The following TRIO variants were observed in gnomAD, a reference collection of about 807,000 sequenced individuals.
TRIO encodes trio Rho guanine nucleotide exchange factor.
In TRIO, 58 loss-of-function variants were observed where a neutral mutation model predicts 351.9. That is an observed-to-expected ratio of 0.16 (90% confidence interval 0.13 to 0.21). TRIO has a LOEUF of 0.21. Ranked by LOEUF, TRIO falls within the 10% of genes least tolerant of loss-of-function variation. TRIO has a pLI of 1.00. For missense variants in TRIO, 3,201 were observed against 4,027.8 expected, an observed-to-expected ratio of 0.79 and a Z score of 5.56; for synonymous variants, 1,758 against 1,595.7, an observed-to-expected ratio of 1.10 and a Z score of -2.42.
Position 14,291,157 on chromosome 5 carries a change from A to T in TRIO, c.982A>T (p.Met328Leu). 1 of 1,614,182 alleles carries T rather than the reference A, an allele frequency of 6.2e-7. No individual in the cohort carries two copies. The change falls in exon 5 of 57, where the codon ATG becomes TTG. Residue 328 changes from methionine (M) to leucine (L), a missense_variant. Around this residue, in one of 19 missense-constraint regions of TRIO, gnomAD observed 349 missense variants for 449.3 expected, o/e 0.78. Coordinates refer to ENST00000344204, the MANE Select transcript of TRIO (RefSeq NM_007118.4). Reference sequence around the variant, plus strand: ...CTCGACACGGCAGCATCTGCACCAGATGTGGCATGTGAGGAAGCTGAAGCT... The same window carrying T: ...CTCGACACGGCAGCATCTGCACCAGTTGTGGCATGTGAGGAAGCTGAAGCT... ...LHSTRQHLHQ[M>L]WHVRKLKLDQ...
chr5:14,444,024 C>G (rs916972937), intron 34 of TRIO, among the ~76,000 whole-genome samples: 1 of 151,954 alleles, frequency 6.6e-6, no homozygotes, highest in East Asian at 1.9e-4. Context: ...TAACACTGAA[C>G]AGACTCTTAC....
At chr5:14,455,596 G>T (rs139973754) in intron 34 of TRIO, among the ~76,000 whole-genome samples, 1 of 151,930 alleles carries the variant, frequency 6.6e-6, no homozygotes, top group African/African-American at 2.4e-5. Context: ...GTGCTGATTG[G>T]TGCATTTACA....
At chr5:14,207,711 C>CAGAGAG (rs372248634) in intron 1 of TRIO, among the ~76,000 whole-genome samples, 3 of 149,058 alleles carry the variant, frequency 2.0e-5, no homozygotes, top group African/African-American at 7.4e-5. Flanking sequence ...GACCTTGTCT[C>CAGAGAG]AGAGAGAGAG....
Position 14,416,132 on chromosome 5 carries a change from A to G in TRIO, c.4960-3646A>G, listed in dbSNP as rs1379394264. Among the ~76,000 whole-genome samples the G allele has an allele frequency of 6.0e-5, 9 of 150,310 alleles. No individual in the cohort carries two copies. The East Asian group carries it at 7.8e-4, about 13-fold the overall frequency. ...GATAAATAAAATGGTAACTCTTTCAACTGAGGGTAGAAATTCTCTGAAAGC... is the reference window on the plus strand; with the variant it reads ...GATAAATAAAATGGTAACTCTTTCAGCTGAGGGTAGAAATTCTCTGAAAGC... On this transcript the variant is annotated intron_variant, in intron 33 of 56. Coordinates refer to ENST00000344204, the MANE Select transcript of TRIO (RefSeq NM_007118.4).
chr5:14,377,218 C>G (rs1430987213), intron 19 of TRIO, among the ~76,000 whole-genome samples: 2 of 150,568 alleles, frequency 1.3e-5, no homozygotes, highest in Non-Finnish European at 3.0e-5. Flanking sequence ...ATGTCCTTTC[C>G]TCTCCTAAGG....
chr5:14,488,662 G>A (rs953222885), intron 48 of TRIO: 15 of 525,342 alleles, frequency 2.9e-5, no homozygotes, highest in African/African-American at 2.3e-4. Context: ...TTTGCTCATC[G>A]CTTGGTTTTG....
intron 20 of TRIO, among the ~76,000 whole-genome samples, chr5:14,380,664 T>C (rs247136): frequency 0.14 from 20,926 of 152,200 alleles, 1,584 homozygotes; most frequent in Middle Eastern, 0.24. Context: ...AGTATGGCAG[T>C]TCCTCAAAGA....
intron 1 of TRIO, among the ~76,000 whole-genome samples, chr5:14,201,259 T>C (rs1319660099): frequency 6.6e-6 from 1 of 152,092 alleles, no homozygotes; most frequent in African/African-American, 2.4e-5. Context: ...AAACTCCATC[T>C]CAAAAAATAA....
At chr5:14,296,924 TA>T in intron 6 of TRIO, 147 bp from the exon 7 acceptor site, 1 of 518,922 alleles carries the variant, frequency 1.9e-6, no homozygotes, top group African/African-American at 1.9e-5. Flanking sequence ...CAAATATGTA[TA>T]ATATTATATA....
intron 13 of TRIO, among the ~76,000 whole-genome samples, chr5:14,363,004 T>C (rs900601920): frequency 1.4e-5 from 2 of 147,798 alleles, no homozygotes; most frequent in African/African-American, 4.9e-5. Flanking sequence ...CTATCTACTT[T>C]TTTTTTTTTT....
chr5:14,207,523 TACACAC>T (rs113435385), intron 1 of TRIO, among the ~76,000 whole-genome samples: 33 of 53,188 alleles, frequency 6.2e-4, no homozygotes, highest in East Asian at 1.2e-3. Context: ...ACTGTCTCTC[TACACAC>T]ACACACACAC....
rs148165171 is a variant in TRIO, at chr5:14,504,269, G to A, written c.8412-124G>A. On this transcript the variant is annotated intron_variant, in intron 54 of 56. Coordinates refer to ENST00000344204, the MANE Select transcript of TRIO (RefSeq NM_007118.4). The stretch of plus-strand genomic sequence containing the variant: ...ACCACAGCCCCTCCGTGGAGTGGCC[G>A]GGAGAGCAGGGCCTCTGGACAGGGC... 1.1e-3 allele frequency: 1,126 copies of A among 1,048,168 alleles called. 6 individuals carry two copies. The highest frequency in any genetic ancestry group is 4.7e-3 in the Middle Eastern group (19 of 4,028). The allele number at this position is 1,048,168 out of a possible 1,614,324, so 64.9% of individuals were successfully genotyped here.
At chr5:14,309,271 A>G (rs571771628) in intron 8 of TRIO, among the ~76,000 whole-genome samples, 3 of 152,028 alleles carry the variant, frequency 2.0e-5, no homozygotes, top group East Asian at 1.9e-4. Flanking sequence ...CCTGGCTTCT[A>G]TTTTCCTTAA....
chr5:14,423,451 T>G (rs1487754868), intron 34 of TRIO, among the ~76,000 whole-genome samples: 2 of 152,256 alleles, frequency 1.3e-5, no homozygotes, highest in Non-Finnish European at 2.9e-5. Context: ...TATGTATTTA[T>G]TGACAGTCTT....
chr5:14,242,485 A>G lies in TRIO; in HGVS notation c.158-28340A>G, dbSNP rs116715556. The stretch of plus-strand genomic sequence containing the variant: ...CTTTGGGGATCCTCACAAGAAGAAA[A>G]TAGTGTTGCCTACCAGGCATAAAGG... On this transcript the variant is annotated intron_variant, in intron 1 of 56. Transcript: ENST00000344204. 3.1e-3 allele frequency among the ~76,000 whole-genome samples: 477 copies of G among 152,340 alleles called. 2 individuals are homozygous for G. Among genetic ancestry groups the G allele is most frequent in the African/African-American group, 0.011 (464 of 41,576 alleles).
chr5:14,143,630 G>C lies in TRIO; in HGVS notation c.-96G>C. On this transcript the variant is annotated 5_prime_UTR_variant, in exon 1 of 57. Coordinates refer to ENST00000344204, the MANE Select transcript of TRIO (RefSeq NM_007118.4). ...CCGCGCGCCGGGCGCGGGCAGCTGG[G>C]TGCTCGGCGCCGCCAGGCCCGGCGC... 1 of 472,100 alleles carries C rather than the reference G, an allele frequency of 2.1e-6. No homozygotes were observed. Among genetic ancestry groups the C allele is most frequent in the Non-Finnish European group, 2.7e-6 (1 of 363,990 alleles). The allele number at this position is 472,100 out of a possible 1,614,324, so 29.2% of individuals were successfully genotyped here. A position where few individuals can be genotyped will look rare whatever the true frequency, so the allele number is the denominator to read the frequency against.
intron 1 of TRIO, among the ~76,000 whole-genome samples, chr5:14,242,797 G>A (rs16903326): frequency 0.14 from 21,258 of 152,124 alleles, 2,049 homozygotes; most frequent in East Asian, 0.4. Flanking sequence ...CAGGCTATTC[G>A]GGCTTTTTGA....
chr5:14,373,649 A>G (rs1325905782), intron 18 of TRIO, among the ~76,000 whole-genome samples: 1 of 152,212 alleles, frequency 6.6e-6, no homozygotes, highest in Non-Finnish European at 1.5e-5. Flanking sequence ...TACCATAATA[A>G]CATCACATAA....
intron 8 of TRIO, among the ~76,000 whole-genome samples, chr5:14,311,796 G>A (rs1478024144): frequency 5.3e-5 from 8 of 152,184 alleles, no homozygotes; most frequent in Admixed American, 5.2e-4. Flanking sequence ...GACGGTGTTG[G>A]CTTTGAGTCG....
Sources: allele counts gnomAD v4.1 joint callset (sites outside exome capture counted in the v4.1 genomes callset), GRCh38; gene constraint gnomAD v4.1.1; regional missense constraint gnomAD v4.1.1; transcripts MANE v1.5; gene names NCBI Gene and HGNC (gene_info 2026-07-23, HGNC 2026-07-21).